Variants in PLCG1 observed in about 807,000 individuals in gnomAD.
The protein encoded by PLCG1 is 1-phosphatidylinositol 4,5-bisphosphate phosphodiesterase gamma-1.
A neutral mutation model predicts 177.8 loss-of-function variants in PLCG1; 71 were observed. The observed-to-expected ratio is 0.40, with a 90% CI of 0.33 to 0.49. The LOEUF (loss-of-function observed/expected upper bound fraction) is 0.49. PLCG1 is among the 20% of genes least tolerant of loss of function. PLCG1 has a pLI of 0.72. For synonymous variants in PLCG1, 658 were observed against 647.9 expected (o/e 1.02, Z -0.24); for missense variants, 1,281 against 1,709.0 (o/e 0.75, Z 4.42).
chr20:41,164,168 A>T lies in PLCG1; in HGVS notation c.1184A>T (p.His395Leu), dbSNP rs1451501322. Residue 395 changes from histidine (H) to leucine (L), a missense_variant, in exon 12 of 32, where the codon CAC becomes CTC. His to Leu is a moderately conservative substitution (Grantham distance 99). Around this residue, in one of 4 missense-constraint regions of PLCG1, gnomAD observed 723 missense variants for 1,030.0 expected, o/e 0.70. Coordinates refer to ENST00000685551, the MANE Select transcript of PLCG1 (RefSeq NM_002660.3). This position sits in a 1 kb window ranked among gnomAD's most constrained non-coding sequence, Gnocchi z 6.4. ...AAGATCAAGTTCTCAGATGTCCTGC[A>T]CACCATCAAGGAGCATGCCTTTGTG... is the stretch of plus-strand genomic sequence containing the variant. ...TTKIKFSDVL[H>L]TIKEHAFVAS... 1.7e-5 allele frequency: 28 copies of T among 1,609,352 alleles called. 1 individual carries two copies. Among genetic ancestry groups the T allele is most frequent in the Non-Finnish European group, 2.2e-5 (26 of 1,177,062 alleles).
At chr20:41,161,659 G>C (rs145138317) in intron 4 of PLCG1, among the ~76,000 whole-genome samples, 1 of 152,036 alleles carries the variant, frequency 6.6e-6, no homozygotes, top group African/African-American at 2.4e-5. Context: ...CAGCCCCCTC[G>C]GGGAATTTTG....
At position 41,164,327 on chromosome 20, in the gene PLCG1, T is replaced by C; in HGVS notation, c.1217+126T>C. 1.0e-6 allele frequency: 1 copy of C among 971,794 alleles called. No homozygotes were observed. Among genetic ancestry groups the C allele is most frequent in the Non-Finnish European group, 1.6e-6 (1 of 641,824 alleles). The allele number at this position is 971,794 out of a possible 1,614,324, so 60.2% of individuals were successfully genotyped here. On this transcript the variant is annotated intron_variant, in intron 12 of 31. Coordinates refer to ENST00000685551, the MANE Select transcript of PLCG1 (RefSeq NM_002660.3). The surrounding 1 kb of genome is among the most constrained non-coding windows in gnomAD (Gnocchi z 6.4). The stretch of plus-strand genomic sequence containing the variant: ...TCCCTCAGCCTTTCATCTTTGTCCT[T>C]CCTCTTGGCCTCTCCTCGTCACCTG...
chr20:41,137,560 C>T lies in PLCG1; in HGVS notation c.-82C>T, dbSNP rs1374718576. The T allele has an allele frequency of 5.0e-6, 4 of 795,390 alleles. No individual in the cohort carries two copies. Among genetic ancestry groups the T allele is most frequent in the Non-Finnish European group, 6.7e-6 (4 of 593,186 alleles). The allele number at this position is 795,390 out of a possible 1,614,324, so 49.3% of individuals were successfully genotyped here. A position where few individuals can be genotyped will look rare whatever the true frequency, so the allele number is the denominator to read the frequency against. On this transcript the variant is annotated 5_prime_UTR_variant, in exon 1 of 32. Transcript: ENST00000685551. The surrounding 1 kb of genome is among the most constrained non-coding windows in gnomAD (Gnocchi z 7.3). ...TCCCGCTCGTCTGCCGCCTCAGCCTCAGCCCCAACCTCAGCCGCCGCCGTT... is the reference window on the plus strand; with the variant it reads ...TCCCGCTCGTCTGCCGCCTCAGCCTTAGCCCCAACCTCAGCCGCCGCCGTT...
chr20:41,166,092 TTG>T lies in PLCG1; in HGVS notation c.1800-101_1800-100del. 3.9e-6 allele frequency: 4 copies of T among 1,018,972 alleles called. No individual in the cohort carries two copies. In the South Asian group the frequency reaches 5.8e-5, roughly 15 times the overall value. 63.1% of individuals were successfully genotyped at this position (1,018,972 alleles called of 1,614,324 possible). A position where few individuals can be genotyped will look rare whatever the true frequency, so the allele number is the denominator to read the frequency against. ...CTCCTCAGGAGATTGGCCTCCCTCC[TTG>T]AGGCTCCCTCCTTGAGTTCCACCCT... is the stretch of plus-strand genomic sequence containing the variant. On this transcript the variant is annotated intron_variant, in intron 16 of 31. Coordinates refer to ENST00000685551, the MANE Select transcript of PLCG1 (RefSeq NM_002660.3). The surrounding 1 kb of genome is among the most constrained non-coding windows in gnomAD (Gnocchi z 8.6).
chr20:41,164,323 T>A lies in PLCG1; in HGVS notation c.1217+122T>A. Reference sequence around the variant, plus strand: ...CCTCTCCCTCAGCCTTTCATCTTTGTCCTTCCTCTTGGCCTCTCCTCGTCA... The same window carrying A: ...CCTCTCCCTCAGCCTTTCATCTTTGACCTTCCTCTTGGCCTCTCCTCGTCA... On this transcript the variant is annotated intron_variant, in intron 12 of 31. Transcript: ENST00000685551. This position sits in a 1 kb window ranked among gnomAD's most constrained non-coding sequence, Gnocchi z 6.4. The A allele has an allele frequency of 2.0e-6, 2 of 1,012,898 alleles. No individual in the cohort carries two copies. Among genetic ancestry groups the A allele is most frequent in the Non-Finnish European group, 1.5e-6 (1 of 677,100 alleles). 62.7% of individuals were successfully genotyped at this position (1,012,898 alleles called of 1,614,324 possible).
Position 41,165,869 on chromosome 20 carries a change from TAC to T in PLCG1, c.1799+47_1799+48del, listed in dbSNP as rs2035669869. ...GATGCGTATGTTCAGTCAGCGTGTG[TAC>T]ACAGACATCACATCACCCAGAGATA... On this transcript the variant is annotated intron_variant, in intron 16 of 31. Transcript: ENST00000685551. The surrounding 1 kb of genome is among the most constrained non-coding windows in gnomAD (Gnocchi z 6.6). 7.0e-7 allele frequency: 1 copy of T among 1,419,046 alleles called. No homozygotes were observed. The highest frequency in any genetic ancestry group is 2.1e-5 in the Admixed American group (1 of 48,576). 87.9% of individuals were successfully genotyped at this position (1,419,046 alleles called of 1,614,324 possible).
intron 1 of PLCG1, among the ~76,000 whole-genome samples, chr20:41,140,971 C>G (rs892680743): frequency 1.3e-5 from 2 of 152,162 alleles, no homozygotes; most frequent in African/African-American, 4.8e-5. Context: ...CTGTGGTCCA[C>G]GTGGCTCCTC....
chr20:41,161,788 C>T (rs2035506612), intron 4 of PLCG1, among the ~76,000 whole-genome samples: 1 of 144,756 alleles, frequency 6.9e-6, no homozygotes, highest in African/African-American at 2.5e-5. Context: ...CATCCTGTTG[C>T]CAGGTCCAGC....
At position 41,147,343 on chromosome 20, in the gene PLCG1, ATGTC is replaced by A. The variant is rs2035025881; in HGVS notation, c.217+9489_217+9492del. 1.3e-5 allele frequency among the ~76,000 whole-genome samples: 2 copies of A among 152,220 alleles called. No individual in the cohort carries two copies. Among genetic ancestry groups the A allele is most frequent in the South Asian group, 2.1e-4 (1 of 4,832 alleles). ...GAGCATTCCCTCCAGTGAGAACAGA[ATGTC>A]TGTTGCCAGACTGATCACAAGAGGA... is the stretch of plus-strand genomic sequence containing the variant. On this transcript the variant is annotated intron_variant, in intron 1 of 31. Coordinates refer to ENST00000685551, the MANE Select transcript of PLCG1 (RefSeq NM_002660.3). The surrounding 1 kb of genome is among the most constrained non-coding windows in gnomAD (Gnocchi z 4.0).
At chr20:41,145,663 G>A (rs1457252068) in intron 1 of PLCG1, among the ~76,000 whole-genome samples, 1 of 152,104 alleles carries the variant, frequency 6.6e-6, no homozygotes. Flanking sequence ...GGGGAATATG[G>A]GTGCCTAGAG....
rs928840993 is a variant in PLCG1 at position 41,165,431 on chromosome 20, CCT to C, written c.1510-16_1510-15del. 2.5e-6 allele frequency: 4 copies of C among 1,613,912 alleles called. No individual in the cohort carries two copies. Among genetic ancestry groups the C allele is most frequent in the Non-Finnish European group, 3.4e-6 (4 of 1,179,862 alleles). On this transcript the variant is annotated splice_polypyrimidine_tract_variant and intron_variant, in intron 14 of 31. Transcript: ENST00000685551. The surrounding 1 kb of genome is among the most constrained non-coding windows in gnomAD (Gnocchi z 6.6). ...GTGTGAGGACCCTGGCTCACAAGTC[CCT>C]CTTTGGTCTGTTCCAGGAATGGTAT...
In PLCG1 at chr20:41,173,280, G is replaced by C. The variant is rs954638012; in HGVS notation, c.3280-140G>C. The C allele has an allele frequency of 2.4e-5, 20 of 833,058 alleles. No individual in the cohort carries two copies. The South Asian group carries it at 3.5e-4, about 15-fold the overall frequency. The allele number at this position is 833,058 out of a possible 1,614,324, so 51.6% of individuals were successfully genotyped here. ...GACAGCTTAGGGTCCCTGATGTCGT[G>C]AGGGACTCCATGGGCAGTGTCCCGG... On this transcript the variant is annotated intron_variant, in intron 27 of 31. Coordinates refer to ENST00000685551, the MANE Select transcript of PLCG1 (RefSeq NM_002660.3). The surrounding 1 kb of genome is among the most constrained non-coding windows in gnomAD (Gnocchi z 6.2).
At position 41,162,518 on chromosome 20, in the gene PLCG1, C is replaced by T. The variant is rs1432376799; in HGVS notation, c.579C>T (p.Phe193=). 1.2e-6 allele frequency: 2 copies of T among 1,613,850 alleles called. No homozygotes were observed. Among genetic ancestry groups the T allele is most frequent in the Admixed American group, 3.3e-5 (2 of 60,002 alleles). The change falls in exon 5 of 32, where the codon TTC becomes TTT. Residue 193 remains phenylalanine (F), a synonymous_variant. Transcript: ENST00000685551. ...QVNYRVPNMR[F]LRERLTDLEQ... ...ACTACCGGGTCCCCAACATGCGCTT[C>T]CTCCGAGAGCGGCTGACGGTAAGTG...
chr20:41,157,907 C>T lies in PLCG1; in HGVS notation c.218-1699C>T, dbSNP rs1290496556. 2.6e-5 allele frequency among the ~76,000 whole-genome samples: 4 copies of T among 152,020 alleles called. No homozygotes were observed. Among genetic ancestry groups the T allele is most frequent in the African/African-American group, 4.8e-5 (2 of 41,370 alleles). On this transcript the variant is annotated intron_variant, in intron 1 of 31. Transcript: ENST00000685551. This position sits in a 1 kb window ranked among gnomAD's most constrained non-coding sequence, Gnocchi z 5.4. ...TCCTTAGACTGGCAGTGGGCAGCCTCGGGAGGGGCTTGAATGAGGTCTAGG... is the reference window on the plus strand; with the variant it reads ...TCCTTAGACTGGCAGTGGGCAGCCTTGGGAGGGGCTTGAATGAGGTCTAGG...
chr20:41,171,586 CAAAAAAAAAA>C (rs71844995), intron 24 of PLCG1, among the ~76,000 whole-genome samples: 7 of 64,096 alleles, frequency 1.1e-4, no homozygotes, highest in Non-Finnish European at 2.0e-4. Context: ...GACTCTGTCT[CAAAAAAAAAA>C]AAAAAAAAAA....
Position 41,173,667 on chromosome 20 carries a change from A to C in PLCG1, c.3410A>C (p.Asn1137Thr), listed in dbSNP as rs767972387. 46 of 1,614,044 alleles carry C rather than the reference A, an allele frequency of 2.8e-5. No individual in the cohort carries two copies. Among genetic ancestry groups the C allele is most frequent in the Non-Finnish European group, 3.9e-5 (46 of 1,180,032 alleles). Reference protein sequence around the residue: ...KTEFVVDNGLNPVWPAKPFHF... With the variant: ...KTEFVVDNGLTPVWPAKPFHF... ...GCCTTCACAGTGGACAATGGACTCA[A>C]CCCTGTATGGCCAGCCAAGCCCTTC... The change falls in exon 29 of 32, where the codon AAC becomes ACC. Residue 1137 changes from asparagine (N) to threonine (T), a missense_variant. This residue lies in a region of PLCG1 where 723 missense variants were observed against 1,030.0 expected (regional missense o/e 0.70). Coordinates refer to ENST00000685551, the MANE Select transcript of PLCG1 (RefSeq NM_002660.3). This position sits in a 1 kb window ranked among gnomAD's most constrained non-coding sequence, Gnocchi z 6.2.
chr20:41,173,119 T>C lies in PLCG1; in HGVS notation c.3279+242T>C, dbSNP rs907520776. On this transcript the variant is annotated intron_variant, in intron 27 of 31. Coordinates refer to ENST00000685551, the MANE Select transcript of PLCG1 (RefSeq NM_002660.3). This position sits in a 1 kb window ranked among gnomAD's most constrained non-coding sequence, Gnocchi z 6.2. ...TTTTGTTCTGATGAGATCTTTTTTT[T>C]CCCTAAGGGGAGGTCATTTAAAAGA... Among the ~76,000 whole-genome samples the C allele has an allele frequency of 6.6e-6, 1 of 152,188 alleles. No homozygotes were observed. The highest frequency in any genetic ancestry group is 2.4e-5 in the African/African-American group (1 of 41,444).
rs1175054740 is a variant in PLCG1 at position 41,173,694 on chromosome 20, A to G, written c.3437A>G (p.His1146Arg). Residue 1146 changes from histidine to arginine, a missense_variant, in exon 29 of 32, where the codon CAC (histidine) becomes CGC (arginine). This residue lies in a region of PLCG1 where 723 missense variants were observed against 1,030.0 expected (regional missense o/e 0.70). Coordinates refer to ENST00000685551, the MANE Select transcript of PLCG1 (RefSeq NM_002660.3). The surrounding 1 kb of genome is among the most constrained non-coding windows in gnomAD (Gnocchi z 6.2). ...LNPVWPAKPFHFQISNPEFAF... is the reference protein window; with the variant it reads ...LNPVWPAKPFRFQISNPEFAF... ...CCTGTATGGCCAGCCAAGCCCTTCC[A>G]CTTCCAGATCAGTAACCCTGAATTT... 6.2e-7 allele frequency: 1 copy of G among 1,614,100 alleles called. No homozygotes were observed. The highest frequency in any genetic ancestry group is 1.7e-5 in the Admixed American group (1 of 60,012).
chr20:41,162,256 G>GC (rs2035531167), intron 4 of PLCG1, 196 bp from the exon 5 acceptor site: 1 of 12,468 alleles, frequency 8.0e-5, no homozygotes, highest in South Asian at 2.8e-3. Context: ...TTTTTTTTTT[G>GC]CTCAGATGAG....
Sources: allele counts gnomAD v4.1 joint callset (sites outside exome capture counted in the v4.1 genomes callset), GRCh38; gene constraint gnomAD v4.1.1; regional missense constraint gnomAD v4.1.1; non-coding constraint Gnocchi (gnomAD v3.1); transcripts MANE v1.5; gene names NCBI Gene and HGNC (gene_info 2026-07-23, HGNC 2026-07-21).